FAM114A2: variants seen among roughly 807,000 people sequenced by gnomAD.
FAM114A2 encodes family with sequence similarity 114 member A2.
FAM114A2 carries 53 observed loss-of-function variants against 58.4 expected under a neutral mutation model. That is an observed-to-expected ratio of 0.91 (90% CI 0.73 to 1.14). FAM114A2 has a LOEUF of 1.14. FAM114A2 is among the 50% of genes most tolerant of loss of function. The pLI is 0.00. For synonymous variants in FAM114A2, 228 were observed against 211.4 expected, an observed-to-expected ratio of 1.08 and a Z score of -0.68; for missense variants, 601 against 581.1, an observed-to-expected ratio of 1.03 and a Z score of -0.35.
intron 9 of FAM114A2, among the ~76,000 whole-genome samples, chr5:154,004,951 T>G (rs1199589817): frequency 6.6e-6 from 1 of 152,168 alleles, no homozygotes; most frequent in African/African-American, 2.4e-5. Context: ...TACCTACTTT[T>G]CCAGCCTCAT....
intron 12 of FAM114A2, among the ~76,000 whole-genome samples, chr5:153,997,553 A>AG (rs1769654829): frequency 2.0e-5 from 3 of 152,222 alleles, no homozygotes; most frequent in East Asian, 3.9e-4. Context: ...TCTATAGAGA[A>AG]AGAAAGCAGA....
At chr5:154,025,733 T>G (rs1016776535) in intron 8 of FAM114A2, among the ~76,000 whole-genome samples, 1 of 152,296 alleles carries the variant, frequency 6.6e-6, no homozygotes, top group East Asian at 1.9e-4. Flanking sequence ...GTGTATATCT[T>G]AGAAATATTT....
Position 154,029,545 on chromosome 5 carries a change from GGGA to G in FAM114A2, c.436_438del (p.Ser146del), listed in dbSNP as rs1298245475. On this transcript the variant is annotated inframe_deletion, in exon 5 of 14. Transcript: ENST00000351797. ...AATACACCAAATGCCCCAGCCACTG[GGGA>G]GGAGTTTTCATTCTCTTTGGCATTT... 3 of 1,610,698 alleles carry G rather than the reference GGGA, an allele frequency of 1.9e-6. No individual in the cohort carries two copies. Among genetic ancestry groups the G allele is most frequent in the Admixed American group, 3.3e-5 (2 of 59,898 alleles).
chr5:154,029,552 GT>G lies in FAM114A2; in HGVS notation c.431del (p.Asn144ThrfsTer27), dbSNP rs1465951318. On this transcript the variant is annotated frameshift_variant, in exon 5 of 14. Coordinates refer to ENST00000351797, the MANE Select transcript of FAM114A2 (RefSeq NM_018691.4). LOFTEE classifies it high-confidence loss of function. ...AGETNAKENE[N>X]SSPVAGAFGV... ...CAAATGCCCCAGCCACTGGGGAGGAGTTTTCATTCTCTTTGGCATTTGTCTC... is the reference window on the plus strand; with the variant it reads ...CAAATGCCCCAGCCACTGGGGAGGAGTTTCATTCTCTTTGGCATTTGTCTC... 3.1e-6 allele frequency: 5 copies of G among 1,609,100 alleles called. No individual in the cohort carries two copies. In the African/African-American group the frequency reaches 4.0e-5, roughly 13 times the overall value.
rs752924100 is a variant in FAM114A2 at position 154,002,902 on chromosome 5, CCTT to C, written c.1058_1060del (p.Glu353del). 1 of 1,613,890 alleles carries C rather than the reference CCTT, an allele frequency of 6.2e-7. No individual in the cohort carries two copies. Among genetic ancestry groups the C allele is most frequent in the African/African-American group, 1.3e-5 (1 of 74,922 alleles). ...ATTTTCTGCTTCCGACTGTTTTTCT[CCTT>C]CTTCATTCTCTGCTAATGGCTTGGT... On this transcript the variant is annotated inframe_deletion, in exon 10 of 14. Coordinates refer to ENST00000351797, the MANE Select transcript of FAM114A2 (RefSeq NM_018691.4).
chr5:154,023,737 T>C (rs1399510808), intron 8 of FAM114A2, among the ~76,000 whole-genome samples: 3 of 152,054 alleles, frequency 2.0e-5, no homozygotes, highest in Non-Finnish European at 4.4e-5. Context: ...GTAAAGAACT[T>C]ATGTAATCAA....
chr5:154,034,468 T>C, intron 2 of FAM114A2, 91 bp from the exon 3 acceptor site: 1 of 767,728 alleles, frequency 1.3e-6, no homozygotes, highest in Non-Finnish European at 2.1e-6. Context: ...ATCTAATTAT[T>C]AGCCAAAAGC....
In FAM114A2 at chr5:153,990,606, T is replaced by G. The variant is rs985937828; in HGVS notation, c.*2370A>C. ...GAAAATAAAAATTGTTTCATAGAGG[T>G]TTCTACTTCTTTCAGATCAAATTAA... On this transcript the variant is annotated 3_prime_UTR_variant, in exon 14 of 14. Coordinates refer to ENST00000351797, the MANE Select transcript of FAM114A2 (RefSeq NM_018691.4). 21 of 152,026 alleles carry G rather than the reference T, an allele frequency of 1.4e-4. No homozygotes were observed. Among genetic ancestry groups the G allele is most frequent in the Non-Finnish European group, 4.4e-5 (3 of 67,992 alleles). 9.4% of individuals were successfully genotyped at this position (152,026 alleles called of 1,614,324 possible).
At chr5:154,031,312 CAAAAAAA>C (rs59757780) in intron 4 of FAM114A2, among the ~76,000 whole-genome samples, 1 of 47,858 alleles carries the variant, frequency 2.1e-5, no homozygotes, top group Non-Finnish European at 3.4e-5. Flanking sequence ...ACTCCCTCTC[CAAAAAAA>C]AAAAAAAAAG....
In FAM114A2 at chr5:153,993,063, TA is replaced by T; in HGVS notation, c.1430del (p.Leu477TyrfsTer4). 6.2e-7 allele frequency: 1 copy of T among 1,612,914 alleles called. No homozygotes were observed. Among genetic ancestry groups the T allele is most frequent in the Non-Finnish European group, 8.5e-7 (1 of 1,179,128 alleles). ...CAATGAGAGAGATCTCTAGCACAGGTAAGAGTAGCTGAAAGGCGTCCTGGAT... is the reference window on the plus strand; with the variant it reads ...CAATGAGAGAGATCTCTAGCACAGGTAGAGTAGCTGAAAGGCGTCCTGGAT... ...SYIQDAFQLL[L>X]PVLEISLIEN... On this transcript the variant is annotated frameshift_variant, in exon 14 of 14. Coordinates refer to ENST00000351797, the MANE Select transcript of FAM114A2 (RefSeq NM_018691.4). LOFTEE classifies it high-confidence loss of function.
At position 153,999,077 on chromosome 5, in the gene FAM114A2, T is replaced by C. The variant is rs75244560; in HGVS notation, c.1257-1202A>G. Among the ~76,000 whole-genome samples the C allele has an allele frequency of 9.0e-3, 1,368 of 152,264 alleles. 23 individuals carry two copies. The highest frequency in any genetic ancestry group is 0.031 in the African/African-American group (1,289 of 41,566). On this transcript the variant is annotated intron_variant, in intron 11 of 13. Transcript: ENST00000351797. ...AAAGTTATAGTAACAGTGTGTGATA[T>C]GTACTAAGATGAAAAAAAGCAAACT...
chr5:154,025,245 A>T (rs939014066), intron 8 of FAM114A2, among the ~76,000 whole-genome samples: 1 of 152,056 alleles, frequency 6.6e-6, no homozygotes, highest in Non-Finnish European at 1.5e-5. Flanking sequence ...AATAAAATTA[A>T]TAATTTTTAC....
intron 4 of FAM114A2, 147 bp from the exon 5 acceptor site, chr5:154,029,727 AT>A: frequency 2.1e-6 from 1 of 481,848 alleles, no homozygotes; most frequent in Non-Finnish European, 3.7e-6. Context: ...CCATTTGCTT[AT>A]TTTAAAATGA....
intron 11 of FAM114A2, among the ~76,000 whole-genome samples, chr5:154,001,733 A>G (rs1561543476): frequency 6.6e-6 from 1 of 152,204 alleles, no homozygotes; most frequent in Non-Finnish European, 1.5e-5. Flanking sequence ...TGAGAAAAAA[A>G]GAATGGGTTC....
chr5:154,008,936 T>C (rs1770521994), intron 9 of FAM114A2, among the ~76,000 whole-genome samples: 1 of 152,142 alleles, frequency 6.6e-6, no homozygotes, highest in Non-Finnish European at 1.5e-5. Context: ...CCTGTAGGGA[T>C]GGATTAAAAT....
At chr5:154,027,687 G>A in intron 6 of FAM114A2, 1 of 197,876 alleles carries the variant, frequency 5.1e-6, no homozygotes, top group South Asian at 1.3e-4. Flanking sequence ...TTTTAGAAGA[G>A]ACGGGGTTTC....
chr5:154,005,708 TCTTAA>T lies in FAM114A2; in HGVS notation c.994-2744_994-2740del, dbSNP rs915203168. On this transcript the variant is annotated intron_variant, in intron 9 of 13. Coordinates refer to ENST00000351797, the MANE Select transcript of FAM114A2 (RefSeq NM_018691.4). ...ATTAGTTTCTGTTATTTTTTAAGTT[TCTTAA>T]CTTGAGTTTCTGTCATTTGCAAGTG... 3.9e-5 allele frequency among the ~76,000 whole-genome samples: 6 copies of T among 152,234 alleles called. No individual in the cohort carries two copies. The South Asian group carries it at 8.3e-4, about 21-fold the overall frequency.
intron 4 of FAM114A2, among the ~76,000 whole-genome samples, chr5:154,032,136 A>G (rs1259546168): frequency 6.6e-6 from 1 of 152,254 alleles, no homozygotes; most frequent in African/African-American, 2.4e-5. Context: ...TGCCCCTCTT[A>G]TCTACCCTCC....
rs747668113 is a variant in FAM114A2, at chr5:154,034,290, C to T, written c.298G>A (p.Val100Ile). 3.2e-6 allele frequency: 5 copies of T among 1,583,030 alleles called. No homozygotes were observed. The South Asian group carries it at 3.5e-5, about 11-fold the overall frequency. The change falls in exon 3 of 14, where the codon GTA becomes ATA. Residue 100 changes from valine to isoleucine, a missense_variant. Val to Ile is a conservative substitution (Grantham distance 29). Coordinates refer to ENST00000351797, the MANE Select transcript of FAM114A2 (RefSeq NM_018691.4). ...KSILSSASATVATVGQGISNV... is the reference protein window; with the variant it reads ...KSILSSASATIATVGQGISNV... ...CTGATGATCTTACCTACTGTAGCTA[C>T]TGTAGCCGAGGCTGAGGAGAGTATG...
Sources: allele counts gnomAD v4.1 joint callset (sites outside exome capture counted in the v4.1 genomes callset), GRCh38; gene constraint gnomAD v4.1.1; transcripts MANE v1.5; gene names NCBI Gene and HGNC (gene_info 2026-07-23, HGNC 2026-07-21).